The following ATXN7 variants were observed in gnomAD, a reference collection of about 807,000 sequenced individuals.
ATXN7 encodes ataxin-7.
In ATXN7, 12 loss-of-function variants were observed where a neutral mutation model predicts 70.5. The observed-to-expected ratio is 0.17, with a 90% CI of 0.11 to 0.28. The LOEUF (loss-of-function observed/expected upper bound fraction) is 0.28, where lower values mean the gene tolerates loss of function less well. Ranked by LOEUF, ATXN7 falls within the 10% of genes least tolerant of loss-of-function variation. The pLI is 1.00. For missense variants in ATXN7, 1,256 were observed against 1,131.7 expected (o/e 1.11, Z -1.58); for synonymous variants, 498 against 448.7 (o/e 1.11, Z -1.39).
At chr3:63,926,251 T>C (rs1484339617) in intron 4 of ATXN7, among the ~76,000 whole-genome samples, 1 of 152,178 alleles carries the variant, frequency 6.6e-6, no homozygotes, top group African/African-American at 2.4e-5. Context: ...AGGTTTATTT[T>C]AGTGGAGGAG....
chr3:63,888,164 C>T (rs1703143703), intron 1 of ATXN7, among the ~76,000 whole-genome samples: 1 of 152,016 alleles, frequency 6.6e-6, no homozygotes, highest in Non-Finnish European at 1.5e-5. Context: ...GAGATTTTTA[C>T]AGAGGCTTGG....
rs77184837 is a variant in ATXN7, at chr3:64,002,003, CA to C, written c.*2551del. The C allele has an allele frequency of 0.018, 1,681 of 95,136 alleles. 14 individuals are homozygous for C. The highest frequency in any genetic ancestry group is 0.07 in the Middle Eastern group (11 of 158). The allele number at this position is 95,136 out of a possible 1,614,324, so 5.9% of individuals were successfully genotyped here. Reference sequence around the variant, plus strand: ...CAACTCCTGCAGTTTTCTTAACCTACAAAAAAAAAAAAAAAGTGCTGCAATG... The same window carrying C: ...CAACTCCTGCAGTTTTCTTAACCTACAAAAAAAAAAAAAAGTGCTGCAATG... On this transcript the variant is annotated 3_prime_UTR_variant, in exon 13 of 13. Transcript: ENST00000674280.
intron 12 of ATXN7, 140 bp from the exon 13 acceptor site, chr3:63,999,310 A>C (rs1280431088): frequency 1.5e-6 from 1 of 680,586 alleles, no homozygotes; most frequent in Non-Finnish European, 2.6e-6. Context: ...TCTATAGCTG[A>C]CTGTTCCTGG....
At chr3:63,917,976 A>G (rs1312739124) in intron 4 of ATXN7, among the ~76,000 whole-genome samples, 1 of 152,204 alleles carries the variant, frequency 6.6e-6, no homozygotes, top group Non-Finnish European at 1.5e-5. Context: ...ATAGTGCTCC[A>G]TTTACACTTT....
At chr3:63,969,548 TTC>T (rs1039622186) in intron 5 of ATXN7, among the ~76,000 whole-genome samples, 3 of 152,234 alleles carry the variant, frequency 2.0e-5, no homozygotes, top group Non-Finnish European at 2.9e-5. Context: ...GTTCCTTTTA[TTC>T]TCTCTCTTTT....
chr3:63,915,241 T>C (rs1227894219), intron 4 of ATXN7, among the ~76,000 whole-genome samples: 4 of 152,170 alleles, frequency 2.6e-5, no homozygotes, highest in Non-Finnish European at 5.9e-5. Flanking sequence ...CCCTTGTTAG[T>C]GTTTTTTAAG....
At chr3:63,975,959 AGCCATTCATCAT>A (rs1419575342) in intron 5 of ATXN7, among the ~76,000 whole-genome samples, 1 of 152,244 alleles carries the variant, frequency 6.6e-6, no homozygotes, top group Admixed American at 6.5e-5. Flanking sequence ...CCCTTACTGG[AGCCATTCATCAT>A]GCCCTCCTCA....
chr3:63,863,457 G>A, upstream of ATXN7: 1 of 1,144,578 alleles, frequency 8.7e-7, no homozygotes, highest in Non-Finnish European at 1.1e-6. Flanking sequence ...TAGCCGTCTC[G>A]GCCACCCACG....
chr3:63,908,520 T>C (rs1703913336), intron 2 of ATXN7, among the ~76,000 whole-genome samples: 1 of 152,238 alleles, frequency 6.6e-6, no homozygotes, highest in Non-Finnish European at 1.5e-5. Context: ...TTGGGGTTGA[T>C]AATGGAGAAT....
intron 1 of ATXN7, among the ~76,000 whole-genome samples, chr3:63,886,531 T>C (rs1231731002): frequency 6.6e-6 from 1 of 152,126 alleles, no homozygotes; most frequent in African/African-American, 2.4e-5. Context: ...TGGAGGAAAA[T>C]AAATAATCAC....
chr3:64,002,804 C>T lies in ATXN7; in HGVS notation c.*3337C>T, dbSNP rs1341631714. 6.6e-6 allele frequency: 1 copy of T among 151,994 alleles called. No individual in the cohort carries two copies. Among genetic ancestry groups the T allele is most frequent in the Non-Finnish European group, 1.5e-5 (1 of 67,992 alleles). The allele number at this position is 151,994 out of a possible 1,614,324, so 9.4% of individuals were successfully genotyped here. On this transcript the variant is annotated 3_prime_UTR_variant, in exon 13 of 13. Coordinates refer to ENST00000674280, the MANE Select transcript of ATXN7 (RefSeq NM_001377405.1). ...TTGGTGATGGATTGCCTGGTGGCACCAAGGGTTACAGATCTTTTTGTCAGC... is the reference window on the plus strand; with the variant it reads ...TTGGTGATGGATTGCCTGGTGGCACTAAGGGTTACAGATCTTTTTGTCAGC...
At position 63,995,429 on chromosome 3, in the gene ATXN7, A is replaced by T. The variant is rs2075741234; in HGVS notation, c.1683-76A>T. The T allele has an allele frequency of 5.9e-6, 9 of 1,522,128 alleles. No individual in the cohort carries two copies. The East Asian group carries it at 2.0e-4, about 34-fold the overall frequency. The allele number at this position is 1,522,128 out of a possible 1,614,324, so 94.3% of individuals were successfully genotyped here. A position where few individuals can be genotyped will look rare whatever the true frequency, so the allele number is the denominator to read the frequency against. On this transcript the variant is annotated intron_variant, in intron 11 of 12. Transcript: ENST00000674280. ...GGATGGTTTCTCTTTGTCACAAGCA[A>T]AGAGGGTGGTGCCATCTGAAAGTCT...
At chr3:63,868,673 A>G (rs1702506443) in intron 1 of ATXN7, among the ~76,000 whole-genome samples, 2 of 152,198 alleles carry the variant, frequency 1.3e-5, no homozygotes, top group South Asian at 4.1e-4. Context: ...GCTGCTGGGC[A>G]GGAAGAAATG....
chr3:63,910,493 G>GT (rs1703974623), intron 2 of ATXN7, among the ~76,000 whole-genome samples: 1 of 152,134 alleles, frequency 6.6e-6, no homozygotes, highest in Non-Finnish European at 1.5e-5. Flanking sequence ...GTGTTTTCAT[G>GT]TAATTATTCA....
chr3:63,968,068 C>T (rs2075255944), intron 5 of ATXN7: 1 of 1,029,592 alleles, frequency 9.7e-7, no homozygotes, highest in African/African-American at 1.6e-5. Flanking sequence ...CTTTGCTAAC[C>T]TTACATAGAA....
rs2075834511 is a variant in ATXN7 at position 64,001,653 on chromosome 3, A to G, written c.*2186A>G. 6.6e-6 allele frequency: 1 copy of G among 152,236 alleles called. No homozygotes were observed. The highest frequency in any genetic ancestry group is 2.1e-4 in the South Asian group (1 of 4,834). 9.4% of individuals were successfully genotyped at this position (152,236 alleles called of 1,614,324 possible). A position where few individuals can be genotyped will look rare whatever the true frequency, so the allele number is the denominator to read the frequency against. ...TTGATTTCTTAGACTGAGGTTTTAA[A>G]TGAATTTCATTATTTCTCCCGGTAA... On this transcript the variant is annotated 3_prime_UTR_variant, in exon 13 of 13. Coordinates refer to ENST00000674280, the MANE Select transcript of ATXN7 (RefSeq NM_001377405.1).
chr3:63,992,755 G>T (rs543993245), intron 11 of ATXN7, among the ~76,000 whole-genome samples: 2 of 152,126 alleles, frequency 1.3e-5, no homozygotes, highest in Non-Finnish European at 2.9e-5. Context: ...CATGACCATT[G>T]GTTTTTAAAA....
chr3:63,976,588 C>G (rs1210118146), intron 5 of ATXN7, among the ~76,000 whole-genome samples: 1 of 152,102 alleles, frequency 6.6e-6, no homozygotes, highest in African/African-American at 2.4e-5. Flanking sequence ...CTTGATTTTT[C>G]TAGTGGAATT....
At chr3:63,863,772 C>G, upstream of ATXN7, 1 of 1,251,854 alleles carries the variant, frequency 8.0e-7, no homozygotes, top group Non-Finnish European at 9.9e-7. Flanking sequence ...GGGGCCTCAC[C>G]GTCAGTCACG....
Sources: allele counts gnomAD v4.1 joint callset (sites outside exome capture counted in the v4.1 genomes callset), GRCh38; gene constraint gnomAD v4.1.1; transcripts MANE v1.5; gene names NCBI Gene and HGNC (gene_info 2026-07-23, HGNC 2026-07-21).